ALK: variants seen among roughly 807,000 people sequenced by gnomAD.
ALK encodes ALK tyrosine kinase receptor.
A neutral mutation model predicts 163.1 loss-of-function variants in ALK; 74 were observed. That is an observed-to-expected ratio of 0.45 (90% CI 0.38 to 0.55). The LOEUF is 0.55. Among genes scored for constraint, ALK ranks in the 20% least tolerant of loss-of-function variants. The pLI is 0.00. For synonymous variants in ALK, 960 were observed against 843.2 expected (o/e 1.14, Z -2.40); for missense variants, 2,063 against 2,105.3 (o/e 0.98, Z 0.39).
At position 29,220,164 on chromosome 2, in the gene ALK, G is replaced by C. The variant is rs749099016; in HGVS notation, c.3645+542C>G. 8.5e-4 allele frequency among the ~76,000 whole-genome samples: 130 copies of C among 152,306 alleles called. 3 individuals carry two copies. Among genetic ancestry groups the C allele is most frequent in the Middle Eastern group, 6.8e-3 (2 of 294 alleles). On this transcript the variant is annotated intron_variant, in intron 23 of 28. Transcript: ENST00000389048. ...CGTTGAATTGTAATCCCTAGTGTTG[G>C]AGGAGGGGCCTGGTGGGAGGTGATT...
intron 3 of ALK, among the ~76,000 whole-genome samples, chr2:29,595,826 G>C (rs545512617): frequency 1.7e-3 from 256 of 152,296 alleles, no homozygotes; most frequent in Non-Finnish European, 3.1e-3. Flanking sequence ...GCTCAGAAGG[G>C]GAGGCACAGG....
intron 4 of ALK, among the ~76,000 whole-genome samples, chr2:29,493,850 G>T (rs1038021950): frequency 6.6e-6 from 1 of 152,234 alleles, no homozygotes; most frequent in African/African-American, 2.4e-5. Context: ...AGGCAGCCCA[G>T]TGAGGCCCTC....
chr2:29,327,836 G>C (rs1330885306), intron 6 of ALK, among the ~76,000 whole-genome samples: 1 of 152,206 alleles, frequency 6.6e-6, no homozygotes, highest in African/African-American at 2.4e-5. Flanking sequence ...GGCCAGGGAG[G>C]CTTTCTGAAA....
rs1024193740 is a variant in ALK, at chr2:29,207,232, C to T, written c.3877G>A (p.Val1293Ile). 6.8e-6 allele frequency: 11 copies of T among 1,614,022 alleles called. No individual in the cohort carries two copies. In the African/African-American group the frequency reaches 1.5e-4, roughly 22 times the overall value. Residue 1293 changes from valine to isoleucine, a missense_variant, in exon 26 of 29, where the codon GTT becomes ATT. Physicochemically the swap from Val to Ile is conservative, Grantham distance 29. This residue lies in a region of ALK where 83 missense variants were observed against 139.7 expected (regional missense o/e 0.59). Coordinates refer to ENST00000389048, the MANE Select transcript of ALK (RefSeq NM_004304.5). ...AAGGCCTCTGGGGGCATCCACTTAA[C>T]TGGCAGCATGGCACAGCCTCCCTTT... ...YRKGGCAMLP[V>I]KWMPPEAFME...
intron 4 of ALK, among the ~76,000 whole-genome samples, chr2:29,396,221 C>A (rs757351464): frequency 6.6e-6 from 1 of 152,134 alleles, no homozygotes; most frequent in Non-Finnish European, 1.5e-5. Context: ...TGGATAATAA[C>A]GCTGTTGCAG....
chr2:29,387,668 C>G (rs1669064262), intron 4 of ALK, among the ~76,000 whole-genome samples: 1 of 152,166 alleles, frequency 6.6e-6, no homozygotes, highest in Non-Finnish European at 1.5e-5. Flanking sequence ...TGCAGGAGTC[C>G]TAGTAACAAA....
At chr2:29,327,028 C>T (rs1382573512) in intron 6 of ALK, among the ~76,000 whole-genome samples, 1 of 152,214 alleles carries the variant, frequency 6.6e-6, no homozygotes, top group African/African-American at 2.4e-5. Flanking sequence ...AGTTATTCAT[C>T]TCTGCTCCAG....
At chr2:29,472,192 A>G (rs1407581952) in intron 4 of ALK, among the ~76,000 whole-genome samples, 1 of 152,220 alleles carries the variant, frequency 6.6e-6, no homozygotes, top group Non-Finnish European at 1.5e-5. Flanking sequence ...TGATGCCACC[A>G]GTCTACTGTT....
chr2:29,898,969 C>A (rs1667341519), intron 1 of ALK, among the ~76,000 whole-genome samples: 1 of 152,124 alleles, frequency 6.6e-6, no homozygotes, highest in Non-Finnish European at 1.5e-5. Context: ...GCTCACAGAG[C>A]CTCTGCTTTT....
At chr2:29,342,546 T>C (rs1667823734) in intron 5 of ALK, among the ~76,000 whole-genome samples, 1 of 152,222 alleles carries the variant, frequency 6.6e-6, no homozygotes, top group South Asian at 2.1e-4. Context: ...ACTTAAACAT[T>C]ACTGAACTGC....
chr2:29,312,209 T>C (rs934803906), intron 8 of ALK, among the ~76,000 whole-genome samples: 5 of 152,106 alleles, frequency 3.3e-5, no homozygotes, highest in African/African-American at 1.2e-4. Context: ...GATAAGAAGA[T>C]AATAATAGTA....
chr2:29,444,175 G>A (rs1053525707), intron 4 of ALK, among the ~76,000 whole-genome samples: 3 of 152,204 alleles, frequency 2.0e-5, no homozygotes, highest in African/African-American at 7.2e-5. Context: ...AGGACAGAGA[G>A]TGAATCGGGA....
At chr2:29,226,502 AGAG>A (rs1257917448) in intron 18 of ALK, among the ~76,000 whole-genome samples, 4 of 133,876 alleles carry the variant, frequency 3.0e-5, no homozygotes, top group South Asian at 2.3e-4. Context: ...AAAAAAAAAA[AGAG>A]GAGGAGAATG....
chr2:29,621,092 T>C (rs1200510947), intron 3 of ALK, among the ~76,000 whole-genome samples: 9 of 152,150 alleles, frequency 5.9e-5, no homozygotes, highest in Admixed American at 5.9e-4. Flanking sequence ...CCTGGGACTT[T>C]CCAAAGGAGG....
intron 5 of ALK, among the ~76,000 whole-genome samples, chr2:29,367,419 G>A (rs1447458109): frequency 3.3e-5 from 5 of 152,212 alleles, no homozygotes; most frequent in African/African-American, 1.2e-4. Context: ...CTGCTAATCT[G>A]TAAAATGAGG....
chr2:29,753,372 A>AC (rs1471153216), intron 1 of ALK, among the ~76,000 whole-genome samples: 1 of 152,184 alleles, frequency 6.6e-6, no homozygotes, highest in African/African-American at 2.4e-5. Flanking sequence ...AGGGTAAGTT[A>AC]CGGGGGGGAG....
chr2:29,852,323 C>G (rs970414125), intron 1 of ALK, among the ~76,000 whole-genome samples: 1 of 152,194 alleles, frequency 6.6e-6, no homozygotes, highest in Non-Finnish European at 1.5e-5. Context: ...TGTGAGCCAT[C>G]TGTTCTGCAA....
chr2:29,674,344 G>A lies in ALK; in HGVS notation c.952+20506C>T, dbSNP rs1380165522. Among the ~76,000 whole-genome samples, 854 of 151,636 alleles carry A rather than the reference G, an allele frequency of 5.6e-3. 8 individuals carry two copies. Among genetic ancestry groups the A allele is most frequent in the African/African-American group, 0.02 (823 of 41,180 alleles). On this transcript the variant is annotated intron_variant, in intron 3 of 28. Coordinates refer to ENST00000389048, the MANE Select transcript of ALK (RefSeq NM_004304.5). ...GATAGCTCTTATTATTTTGAAATAC[G>A]TCCCATCAATACCTAATTTATTGGG...
At chr2:29,838,778 AG>A (rs1341596131) in intron 1 of ALK, among the ~76,000 whole-genome samples, 1 of 152,170 alleles carries the variant, frequency 6.6e-6, no homozygotes, top group Non-Finnish European at 1.5e-5. Context: ...ATTACTGGCA[AG>A]GGGCATGAGG....
Sources: gnomAD v4.1 joint callset for allele counts (sites outside exome capture counted in the v4.1 genomes callset) on GRCh38, gnomAD v4.1.1 for gene constraint, gnomAD v4.1.1 regional missense constraint, MANE v1.5 for transcripts, NCBI Gene and HGNC (gene_info 2026-07-23, HGNC 2026-07-21) for gene names.